Variants in SPG7 observed in about 807,000 individuals in gnomAD.
SPG7 encodes the protein mitochondrial inner membrane m-AAA protease component paraplegin.
Under a neutral mutation model 81.9 loss-of-function variants are expected in SPG7, and 103 were observed. The ratio of observed to expected loss-of-function variants is 1.26; its 90% CI spans 1.07 to 1.48. SPG7 has a LOEUF of 1.48. Ranked by LOEUF, SPG7 falls within the 40% of genes most tolerant of loss-of-function variation. The pLI, the probability that SPG7 is intolerant of heterozygous loss-of-function variation, is 0.00. For synonymous variants in SPG7, 534 were observed against 444.2 expected, an observed-to-expected ratio of 1.20 and a Z score of -2.54; for missense variants, 1,241 against 1,087.3, an observed-to-expected ratio of 1.14 and a Z score of -1.99.
At position 89,510,533 on chromosome 16, in the gene SPG7, A is replaced by G; in HGVS notation, c.227A>G (p.Asn76Ser). Residue 76 changes from asparagine to serine, a missense_variant, in exon 2 of 17, where the codon AAC becomes AGC. Physicochemically the swap from Asn to Ser is conservative, Grantham distance 46. Transcript: ENST00000645818. ...CTAACCCCTACCTTTGAAGGGATCA[A>G]CGGATTGTTGTTGAAACAACATTTA... The part of the protein sequence containing the change: ...RLLTPTFEGI[N>S]GLLLKQHLVQ... 1.2e-6 allele frequency: 2 copies of G among 1,612,908 alleles called. No individual in the cohort carries two copies. Among genetic ancestry groups the G allele is most frequent in the Non-Finnish European group, 1.7e-6 (2 of 1,179,608 alleles).
intron 9 of SPG7, chr16:89,537,764 C>T (rs1355278978): frequency 1.0e-6 from 1 of 985,316 alleles, no homozygotes; most frequent in Non-Finnish European, 1.2e-6. Context: ...TCCAGGCTCC[C>T]AGTGTCTGGG....
Position 89,510,694 on chromosome 16 carries a change from C to T in SPG7, c.286+102C>T, listed in dbSNP as rs959641628. The T allele has an allele frequency of 3.9e-6, 3 of 759,682 alleles. No homozygotes were observed. The African/African-American group carries it at 5.1e-5, about 13-fold the overall frequency. The allele number at this position is 759,682 out of a possible 1,614,324, so 47.1% of individuals were successfully genotyped here. ...TTTATTTTAGAGACGGGATCTCGCCCTGTTGCACGGGCTGGAGTGCAGTAC... is the reference window on the plus strand; with the variant it reads ...TTTATTTTAGAGACGGGATCTCGCCTTGTTGCACGGGCTGGAGTGCAGTAC... On this transcript the variant is annotated intron_variant, in intron 2 of 16. Coordinates refer to ENST00000645818, the MANE Select transcript of SPG7 (RefSeq NM_003119.4).
At position 89,557,528 on chromosome 16, in the gene SPG7, A is replaced by G. The variant is rs543626339; in HGVS notation, c.*435A>G. The G allele has an allele frequency of 3.2e-4, 72 of 224,308 alleles. 1 individual carries two copies. The highest frequency in any genetic ancestry group is 1.6e-3 in the African/African-American group (71 of 43,884). 13.9% of individuals were successfully genotyped at this position (224,308 alleles called of 1,614,324 possible). Reference sequence around the variant, plus strand: ...GGATCGGACATGAAAGGACCCTGTGAGCCGATTGTCCTATCTCCAGCGGCC... The same window carrying G: ...GGATCGGACATGAAAGGACCCTGTGGGCCGATTGTCCTATCTCCAGCGGCC... On this transcript the variant is annotated 3_prime_UTR_variant, in exon 17 of 17. Transcript: ENST00000645818.
intron 9 of SPG7, chr16:89,543,286 A>ATTAGTCACGGTGGGTCCTGTTCTTACG (rs2058521974): frequency 1.4e-5 from 2 of 147,722 alleles, no homozygotes; most frequent in Non-Finnish European, 3.0e-5. Context: ...CTGTTCTTAC[A>ATTAGTCACGGTGGGTCCTGTTCTTACG]TTAGTCAAGG....
intron 16 of SPG7, 27 bp from the exon 17 acceptor site, chr16:89,556,860 A>C: frequency 6.3e-7 from 1 of 1,579,542 alleles, no homozygotes; most frequent in Non-Finnish European, 8.7e-7. Flanking sequence ...CTGGGGACTC[A>C]CACACTGCTA....
chr16:89,508,707 C>T (rs2057966431), intron 1 of SPG7, 107 bp downstream of exon 1: 6 of 1,191,778 alleles, frequency 5.0e-6, no homozygotes, highest in African/African-American at 1.5e-5. Context: ...GCGGGGGAGC[C>T]TGCGCCTGTG....
chr16:89,551,573 C>T (rs2058634513), intron 13 of SPG7: 1 of 152,164 alleles, frequency 6.6e-6, no homozygotes, highest in Non-Finnish European at 1.5e-5. Flanking sequence ...ATTTATGGGA[C>T]ACTAAAAAAC....
intron 8 of SPG7, 30 bp from the exon 9 acceptor site, chr16:89,532,433 C>A (rs377024003): frequency 1.0e-4 from 163 of 1,612,498 alleles, no homozygotes; most frequent in Admixed American, 4.5e-4. Flanking sequence ...ATTAACTGCC[C>A]ATTTCCTGAT....
chr16:89,557,415 C>G lies in SPG7; in HGVS notation c.*322C>G. The G allele has an allele frequency of 2.6e-6, 1 of 390,006 alleles. No homozygotes were observed. Among genetic ancestry groups the G allele is most frequent in the South Asian group, 2.4e-5 (1 of 41,154 alleles). The allele number at this position is 390,006 out of a possible 1,614,324, so 24.2% of individuals were successfully genotyped here. On this transcript the variant is annotated 3_prime_UTR_variant, in exon 17 of 17. Coordinates refer to ENST00000645818, the MANE Select transcript of SPG7 (RefSeq NM_003119.4). The stretch of plus-strand genomic sequence containing the variant: ...TGTGGCTGAGGCCACCCAGAGGCAG[C>G]AGAGCATTCAGACTCCAAACAGACC...
intron 7 of SPG7, chr16:89,531,122 G>A: frequency 2.2e-6 from 1 of 464,938 alleles, no homozygotes; most frequent in East Asian, 4.3e-5. Flanking sequence ...TAGCCAGTTG[G>A]TGGCAGTGCA....
Position 89,510,485 on chromosome 16 carries a change from T to A in SPG7, c.184-5T>A. ...CCTCCAGTATTGTTTTTTTTTTTTTTTCAGAGCTTACAATTGAGACTGCTA... is the reference window on the plus strand; with the variant it reads ...CCTCCAGTATTGTTTTTTTTTTTTTATCAGAGCTTACAATTGAGACTGCTA... On this transcript the variant is annotated splice_polypyrimidine_tract_variant and splice_region_variant and intron_variant, in intron 1 of 16. Coordinates refer to ENST00000645818, the MANE Select transcript of SPG7 (RefSeq NM_003119.4). 1 of 1,572,614 alleles carries A rather than the reference T, an allele frequency of 6.4e-7. No homozygotes were observed.
chr16:89,519,513 TG>T, intron 3 of SPG7: 1 of 152,216 alleles, frequency 6.6e-6, no homozygotes, highest in East Asian at 1.9e-4. Context: ...CCCGAGTAGC[TG>T]GGATTACAGG....
intron 10 of SPG7, chr16:89,545,715 T>G (rs1318171541): frequency 1.1e-5 from 3 of 269,440 alleles, no homozygotes; most frequent in Non-Finnish European, 2.2e-5. Flanking sequence ...GCTTTTTGAC[T>G]GTGTAAGAAA....
intron 12 of SPG7, 131 bp downstream of exon 12, chr16:89,548,244 C>G: frequency 1.5e-6 from 1 of 680,990 alleles, no homozygotes; most frequent in East Asian, 2.7e-5. Context: ...CGTTTCAGTT[C>G]TGCGTAACTC....
intron 6 of SPG7, 86 bp from the exon 7 acceptor site, chr16:89,530,597 G>A: frequency 6.5e-7 from 1 of 1,537,492 alleles, no homozygotes; most frequent in East Asian, 2.3e-5. Flanking sequence ...GGTTGGGGCG[G>A]CTCAGGTGCG....
intron 9 of SPG7, chr16:89,536,647 G>GGGCGAGGCA: frequency 4.0e-6 from 5 of 1,242,914 alleles, no homozygotes; most frequent in Non-Finnish European, 5.7e-6. Flanking sequence ...CGGGCGAGGT[G>GGGCGAGGCA]GGCGAGGCAG....
At chr16:89,532,822 G>A (rs909633726) in intron 9 of SPG7, 186 bp downstream of exon 9, 6 of 702,782 alleles carry the variant, frequency 8.5e-6, no homozygotes, top group African/African-American at 5.4e-5. Flanking sequence ...AGTGGCTCAC[G>A]CCTGTAATCC....
Position 89,512,982 on chromosome 16 carries a change from G to A in SPG7, c.321G>A (p.Lys107=). 6.2e-7 allele frequency: 1 copy of A among 1,613,260 alleles called. No homozygotes were observed. Among genetic ancestry groups the A allele is most frequent in the Non-Finnish European group, 8.5e-7 (1 of 1,179,298 alleles). The part of the protein sequence containing the change: ...GTFYFNTSRL[K]QKNKEKDKSK... ...TCTATTTTAACACCTCAAGGTTGAA[G>A]CAGAAGAATAAGGAGAAGGATAAGT... is the stretch of plus-strand genomic sequence containing the variant. Residue 107 remains lysine, a synonymous_variant, in exon 3 of 17, where the codon AAG becomes AAA. Transcript: ENST00000645818.
At chr16:89,531,496 C>T (rs1461119326) in intron 7 of SPG7, 3 of 242,034 alleles carry the variant, frequency 1.2e-5, no homozygotes, top group East Asian at 1.1e-4. Flanking sequence ...GCCTCAGCCT[C>T]CCGAGTAGCA....
Sources: allele counts gnomAD v4.1 joint callset, GRCh38; gene constraint gnomAD v4.1.1; transcripts MANE v1.5; gene names NCBI Gene and HGNC (gene_info 2026-07-23, HGNC 2026-07-21).